Variants in SMAD1 observed in about 807,000 individuals in gnomAD.
SMAD1 encodes the protein SMAD family member 1.
In SMAD1, 6 loss-of-function variants were observed where a neutral mutation model predicts 41.6. The observed-to-expected ratio is 0.14, with a 90% confidence interval of 0.08 to 0.28. SMAD1 has a LOEUF of 0.28. Among genes scored for constraint, SMAD1 ranks in the 10% least tolerant of loss-of-function variants. The pLI is 1.00. For missense variants in SMAD1, 379 were observed against 582.6 expected (o/e 0.65, Z 3.60); for synonymous variants, 206 against 203.2 (o/e 1.01, Z -0.12).
intron 1 of SMAD1, among the ~76,000 whole-genome samples, chr4:145,505,187 A>T (rs1729695688): frequency 6.6e-6 from 1 of 152,206 alleles, no homozygotes; most frequent in African/African-American, 2.4e-5. Flanking sequence ...TGAGAATTAC[A>T]TTACAAGTCC....
intron 1 of SMAD1, among the ~76,000 whole-genome samples, chr4:145,506,100 C>G (rs187862823): frequency 2.0e-5 from 3 of 152,008 alleles, no homozygotes; most frequent in Non-Finnish European, 4.4e-5. Flanking sequence ...CTCGGTCTCC[C>G]AAAGTGCTGG....
Position 145,514,563 on chromosome 4 carries a change from G to A in SMAD1, c.-51G>A. 1.4e-6 allele frequency: 2 copies of A among 1,476,224 alleles called. No homozygotes were observed. The highest frequency in any genetic ancestry group is 1.8e-6 in the Non-Finnish European group (2 of 1,096,962). The allele number at this position is 1,476,224 out of a possible 1,614,324, so 91.4% of individuals were successfully genotyped here. On this transcript the variant is annotated 5_prime_UTR_variant, in exon 2 of 7. Transcript: ENST00000302085. The surrounding 1 kb of genome is among the most constrained non-coding windows in gnomAD (Gnocchi z 4.7). Reference sequence around the variant, plus strand: ...TCTCTTCTGCTGTCCTTTTGCATTTGGAGACAGCTTTATTTCACCATATCC... The same window carrying A: ...TCTCTTCTGCTGTCCTTTTGCATTTAGAGACAGCTTTATTTCACCATATCC...
At chr4:145,519,645 CTG>C (rs1730628608) in intron 2 of SMAD1, among the ~76,000 whole-genome samples, 1 of 108,156 alleles carries the variant, frequency 9.2e-6, no homozygotes, top group Non-Finnish European at 1.9e-5. Context: ...GAGAGAGACT[CTG>C]TATCAAAAAA....
intron 1 of SMAD1, among the ~76,000 whole-genome samples, chr4:145,498,797 T>G (rs1729248352): frequency 6.6e-6 from 1 of 152,224 alleles, no homozygotes; most frequent in Non-Finnish European, 1.5e-5. Flanking sequence ...TCCATCTGTT[T>G]TTTCTTATTT....
intron 2 of SMAD1, among the ~76,000 whole-genome samples, chr4:145,533,293 G>C (rs565278685): frequency 3.5e-4 from 53 of 152,320 alleles, no homozygotes; most frequent in African/African-American, 1.1e-3. Flanking sequence ...AAGCCAGGAG[G>C]CTTGAAATTG....
intron 1 of SMAD1, among the ~76,000 whole-genome samples, chr4:145,508,080 A>AT (rs35756866): frequency 0.057 from 7,919 of 138,420 alleles, 258 homozygotes; most frequent in South Asian, 0.096. Flanking sequence ...CTTGGTTTAG[A>AT]TTTTTTTTTT....
At chr4:145,528,041 C>T (rs991428382) in intron 2 of SMAD1, among the ~76,000 whole-genome samples, 27 of 151,030 alleles carry the variant, frequency 1.8e-4, no homozygotes, top group African/African-American at 5.6e-4. Flanking sequence ...CTACCACTCT[C>T]GGCTAATTTT....
Position 145,539,999 on chromosome 4 carries a change from G to A in SMAD1, c.596G>A (p.Ser199Asn), listed in dbSNP as rs537765824. The A allele has an allele frequency of 1.7e-5, 27 of 1,614,086 alleles. No homozygotes were observed. The Middle Eastern group carries it at 6.6e-4, about 39-fold the overall frequency. ...NSSYPNSPGS[S>N]SSTYPHSPTS... The stretch of plus-strand genomic sequence containing the variant: ...AGTTACCCAAACTCTCCTGGGAGCA[G>A]CAGCAGCACCTACCCTCACTCTCCC... The change falls in exon 3 of 7, where the codon AGC (serine) becomes AAC (asparagine). Residue 199 changes from serine to asparagine, a missense_variant. Transcript: ENST00000302085.
At chr4:145,533,002 T>TG (rs1731404687) in intron 2 of SMAD1, among the ~76,000 whole-genome samples, 2 of 152,240 alleles carry the variant, frequency 1.3e-5, no homozygotes, top group Admixed American at 6.5e-5. Context: ...ACTGAAATCT[T>TG]GCTGAAATGA....
chr4:145,504,948 G>T (rs113250472), intron 1 of SMAD1, among the ~76,000 whole-genome samples: 1 of 152,142 alleles, frequency 6.6e-6, no homozygotes, highest in Non-Finnish European at 1.5e-5. Flanking sequence ...GAAATAATAT[G>T]GTTTTTCCAA....
intron 1 of SMAD1, among the ~76,000 whole-genome samples, chr4:145,504,654 G>T (rs903877373): frequency 6.6e-6 from 1 of 152,152 alleles, no homozygotes; most frequent in Non-Finnish European, 1.5e-5. Flanking sequence ...CAGCCCTCTT[G>T]CTGGGCCATT....
At chr4:145,496,791 T>C (rs1159386509) in intron 1 of SMAD1, among the ~76,000 whole-genome samples, 1 of 152,186 alleles carries the variant, frequency 6.6e-6, no homozygotes, top group Admixed American at 6.5e-5. Context: ...GGATGCACTT[T>C]TATACAGTGT....
At chr4:145,551,215 G>A (rs886597986) in intron 5 of SMAD1, among the ~76,000 whole-genome samples, 5 of 152,196 alleles carry the variant, frequency 3.3e-5, no homozygotes, top group Non-Finnish European at 7.4e-5. Flanking sequence ...AAAATATAAT[G>A]TATGTTAAAT....
At chr4:145,557,037 CCTT>C (rs72193938) in intron 6 of SMAD1, among the ~76,000 whole-genome samples, 23,911 of 152,046 alleles carry the variant, frequency 0.16, 4,016 homozygotes, top group African/African-American at 0.41. Context: ...TAGAACCCAA[CCTT>C]CTCTGATATT....
chr4:145,509,493 G>C (rs1247275938), intron 1 of SMAD1, among the ~76,000 whole-genome samples: 1 of 152,100 alleles, frequency 6.6e-6, no homozygotes, highest in Admixed American at 6.6e-5. Flanking sequence ...TTGTTTAAAT[G>C]TATTTGTTAT....
chr4:145,547,651 A>T (rs1317948268), intron 5 of SMAD1, among the ~76,000 whole-genome samples: 1 of 152,250 alleles, frequency 6.6e-6, no homozygotes, highest in Non-Finnish European at 1.5e-5. Flanking sequence ...ATATGTAAAG[A>T]TGAAGCAAAT....
intron 1 of SMAD1, among the ~76,000 whole-genome samples, chr4:145,495,873 G>A (rs540379601): frequency 2.0e-5 from 3 of 150,716 alleles, no homozygotes; most frequent in Non-Finnish European, 4.4e-5. Context: ...GCCTTCCAAA[G>A]TGCTGGGATT....
chr4:145,493,591 G>T (rs1045392061), intron 1 of SMAD1, among the ~76,000 whole-genome samples: 10 of 152,092 alleles, frequency 6.6e-5, no homozygotes, highest in Non-Finnish European at 8.8e-5. Context: ...GCATTTATTC[G>T]CATTCATTTA....
In SMAD1 at chr4:145,514,605, G is replaced by A. The variant is rs1480144826; in HGVS notation, c.-9G>A. 2 of 1,589,526 alleles carry A rather than the reference G, an allele frequency of 1.3e-6. No individual in the cohort carries two copies. The highest frequency in any genetic ancestry group is 1.8e-5 in the Admixed American group (1 of 56,256). ...ACCATATCCAAGGAGTATAACTAGT[G>A]CTGTCATTATGAATGTGACAAGTTT... On this transcript the variant is annotated 5_prime_UTR_variant, in exon 2 of 7. Coordinates refer to ENST00000302085, the MANE Select transcript of SMAD1 (RefSeq NM_005900.3). This position sits in a 1 kb window ranked among gnomAD's most constrained non-coding sequence, Gnocchi z 4.7.
Sources: allele counts gnomAD v4.1 joint callset (sites outside exome capture counted in the v4.1 genomes callset), GRCh38; gene constraint gnomAD v4.1.1; non-coding constraint Gnocchi (gnomAD v3.1); transcripts MANE v1.5; gene names NCBI Gene and HGNC (gene_info 2026-07-23, HGNC 2026-07-21).